Variants in ADGB observed in about 807,000 individuals in gnomAD.
ADGB encodes the protein calpain-7-like protein.
In ADGB, 172 loss-of-function variants were observed where a neutral mutation model predicts 210.5. The observed-to-expected ratio is 0.82, with a 90% CI of 0.72 to 0.93. The LOEUF is 0.93. ADGB is among the 40% of genes least tolerant of loss of function. The pLI is 0.00. For synonymous variants in ADGB, 658 were observed against 662.7 expected (o/e 0.99, Z 0.11); for missense variants, 2,025 against 1,964.8 (o/e 1.03, Z -0.58).
At chr6:146,805,263 G>T (rs1376203210) in intron 35 of ADGB, among the ~76,000 whole-genome samples, 4 of 152,132 alleles carry the variant, frequency 2.6e-5, no homozygotes, top group Non-Finnish European at 5.9e-5. Flanking sequence ...CAAGTCACAT[G>T]GTCACATACA....
At chr6:146,791,474 G>A (rs73584882) in intron 33 of ADGB, among the ~76,000 whole-genome samples, 6,721 of 151,866 alleles carry the variant, frequency 0.044, 481 homozygotes, top group African/African-American at 0.15. Context: ...CTCCTGAGTA[G>A]CTGAGACTAT....
At chr6:146,798,669 A>C (rs999450416) in intron 33 of ADGB, among the ~76,000 whole-genome samples, 2 of 152,116 alleles carry the variant, frequency 1.3e-5, no homozygotes, top group African/African-American at 4.8e-5. Context: ...TAAACTTCTA[A>C]AAAACAGAAA....
chr6:146,644,947 T>C, intron 3 of ADGB, 82 bp downstream of exon 3: 1 of 776,482 alleles, frequency 1.3e-6, no homozygotes, highest in Non-Finnish European at 1.9e-6. Context: ...TTTTTTGTAA[T>C]GATTTAGGGT....
rs1780588489 is a variant in ADGB at position 146,603,442 on chromosome 6, C to G, written c.74+4328C>G. 2.0e-5 allele frequency among the ~76,000 whole-genome samples: 3 copies of G among 152,102 alleles called. No homozygotes were observed. In the South Asian group the frequency reaches 6.2e-4, roughly 32 times the overall value. On this transcript the variant is annotated intron_variant, in intron 1 of 35. Coordinates refer to ENST00000397944, the MANE Select transcript of ADGB (RefSeq NM_024694.4). ...AGTATTAATGCATACACTTTATACA[C>G]TAAAATACTTGGAACCTTAATGGGA...
At chr6:146,640,514 A>C (rs993957433) in intron 2 of ADGB, among the ~76,000 whole-genome samples, 7 of 152,118 alleles carry the variant, frequency 4.6e-5, no homozygotes, top group African/African-American at 1.7e-4. Context: ...ATTCCTCAAC[A>C]AGATACTTGC....
intron 12 of ADGB, among the ~76,000 whole-genome samples, chr6:146,696,584 C>G (rs1248287227): frequency 6.6e-6 from 1 of 152,082 alleles, no homozygotes; most frequent in East Asian, 1.9e-4. Context: ...AATGAAAACT[C>G]TGACTGTAAA....
chr6:146,607,984 C>G (rs970458279), intron 1 of ADGB, among the ~76,000 whole-genome samples: 2 of 152,082 alleles, frequency 1.3e-5, no homozygotes, highest in African/African-American at 4.8e-5. Flanking sequence ...GGTACCAGCT[C>G]TTTGTATGTC....
At chr6:146,615,515 A>G (rs1780785292) in intron 1 of ADGB, among the ~76,000 whole-genome samples, 1 of 152,212 alleles carries the variant, frequency 6.6e-6, no homozygotes, top group South Asian at 2.1e-4. Context: ...CTACTGTGCT[A>G]TCAAACACTA....
chr6:146,773,830 A>T (rs1400521410), intron 29 of ADGB, among the ~76,000 whole-genome samples: 1 of 152,160 alleles, frequency 6.6e-6, no homozygotes, highest in Admixed American at 6.5e-5. Flanking sequence ...ACTGGTAGTA[A>T]CTGCTAACAT....
At chr6:146,770,492 C>T in intron 29 of ADGB, 2 of 419,432 alleles carry the variant, frequency 4.8e-6, no homozygotes, top group East Asian at 7.5e-5. Context: ...AGGTTCCTCT[C>T]TCATTGGGCA....
chr6:146,703,886 C>T (rs1190441132), intron 13 of ADGB, among the ~76,000 whole-genome samples: 1 of 151,468 alleles, frequency 6.6e-6, no homozygotes. Flanking sequence ...TTTCAACCTC[C>T]ATACTGTTTT....
intron 29 of ADGB, among the ~76,000 whole-genome samples, chr6:146,777,479 G>T (rs2114639394): frequency 6.6e-6 from 1 of 152,214 alleles, no homozygotes; most frequent in Admixed American, 6.5e-5. Context: ...TCTTCTAAAA[G>T]TAAACCAGTG....
At chr6:146,688,156 G>A (rs1448311739) in intron 10 of ADGB, among the ~76,000 whole-genome samples, 1 of 151,988 alleles carries the variant, frequency 6.6e-6, no homozygotes, top group Non-Finnish European at 1.5e-5. Context: ...GTCTAATGAG[G>A]AAGGCAGACA....
intron 35 of ADGB, among the ~76,000 whole-genome samples, chr6:146,807,993 T>G (rs1399531881): frequency 1.5e-4 from 3 of 20,232 alleles, no homozygotes; most frequent in Non-Finnish European, 2.9e-4. Context: ...TATGCTTCAG[T>G]TTTTTTTTTT....
rs139636493 is a variant in ADGB, at chr6:146,599,004, T to G, written c.-37T>G. 857 of 1,536,402 alleles carry G rather than the reference T, an allele frequency of 5.6e-4. 4 individuals carry two copies. In the African/African-American group the frequency reaches 9.1e-3, roughly 16 times the overall value. The stretch of plus-strand genomic sequence containing the variant: ...GAGCCGAGCGCGCCCGCAGGCTCTT[T>G]GCTCAGAGCTCAGCCCTACATAGAT... On this transcript the variant is annotated 5_prime_UTR_variant, in exon 1 of 36. Coordinates refer to ENST00000397944, the MANE Select transcript of ADGB (RefSeq NM_024694.4).
At chr6:146,663,453 G>A (rs1775895014) in intron 5 of ADGB, among the ~76,000 whole-genome samples, 1 of 151,590 alleles carries the variant, frequency 6.6e-6, no homozygotes, top group African/African-American at 2.4e-5. Context: ...AAAAACTTTG[G>A]TTTCTTCAAC....
intron 7 of ADGB, among the ~76,000 whole-genome samples, chr6:146,670,620 T>C (rs139233857): frequency 2.8e-3 from 421 of 152,300 alleles, no homozygotes; most frequent in African/African-American, 9.3e-3. Context: ...TCAGCTTCCC[T>C]TATTTCATTT....
intron 28 of ADGB, among the ~76,000 whole-genome samples, chr6:146,768,229 T>G (rs1354937962): frequency 6.6e-6 from 1 of 152,220 alleles, no homozygotes; most frequent in Non-Finnish European, 1.5e-5. Context: ...CACTGTATTT[T>G]TCTGAAATTT....
intron 20 of ADGB, among the ~76,000 whole-genome samples, chr6:146,731,175 C>G (rs1383943036): frequency 1.3e-5 from 2 of 152,012 alleles, no homozygotes; most frequent in Non-Finnish European, 2.9e-5. Flanking sequence ...GCAGATCAAC[C>G]CCAGTTGAGA....
Sources: allele counts gnomAD v4.1 joint callset (sites outside exome capture counted in the v4.1 genomes callset), GRCh38; gene constraint gnomAD v4.1.1; transcripts MANE v1.5; gene names NCBI Gene and HGNC (gene_info 2026-07-23, HGNC 2026-07-21).